The following CEP89 variants were observed in gnomAD, a reference collection of about 807,000 sequenced individuals.
The protein encoded by CEP89 is centrosomal protein of 89 kDa.
In CEP89, 95 loss-of-function variants were observed where a neutral mutation model predicts 97.6. That is an observed-to-expected ratio of 0.97 (90% CI 0.82 to 1.15). The LOEUF (loss-of-function observed/expected upper bound fraction) is 1.15. Among genes scored for constraint, CEP89 ranks in the 50% most tolerant of loss-of-function variants. The pLI is 0.00. For synonymous variants in CEP89, 354 were observed against 349.1 expected (o/e 1.01, Z -0.16); for missense variants, 869 against 947.7 (o/e 0.92, Z 1.09).
chr19:32,954,377 T>TG (rs1286093445), intron 3 of CEP89, among the ~76,000 whole-genome samples: 2 of 151,702 alleles, frequency 1.3e-5, no homozygotes, highest in East Asian at 3.9e-4. Flanking sequence ...TTTTTGTTTT[T>TG]TTTTTGAGAC....
chr19:32,956,213 G>A (rs372012184), intron 3 of CEP89, among the ~76,000 whole-genome samples: 2 of 151,362 alleles, frequency 1.3e-5, no homozygotes, highest in Admixed American at 6.6e-5. Context: ...CCGCCACCAC[G>A]CCAGCTAATT....
At chr19:32,950,724 A>C (rs898276904) in intron 4 of CEP89, among the ~76,000 whole-genome samples, 1 of 152,224 alleles carries the variant, frequency 6.6e-6, no homozygotes, top group Non-Finnish European at 1.5e-5. Flanking sequence ...CAAGGGACAC[A>C]TCGCCAAATG....
chr19:32,905,474 G>A (rs1285293651), intron 14 of CEP89, among the ~76,000 whole-genome samples: 1 of 139,536 alleles, frequency 7.2e-6, no homozygotes, highest in Admixed American at 7.6e-5. Flanking sequence ...ATCCAGGCCT[G>A]GAGTTTTCAA....
At chr19:32,883,098 G>A (rs999188683) in intron 17 of CEP89, among the ~76,000 whole-genome samples, 5 of 151,656 alleles carry the variant, frequency 3.3e-5, no homozygotes, top group Non-Finnish European at 4.4e-5. Context: ...TCCTGACCTC[G>A]CGATCCGCCT....
intron 16 of CEP89, among the ~76,000 whole-genome samples, chr19:32,891,257 C>G (rs1342429965): frequency 6.6e-6 from 1 of 152,178 alleles, no homozygotes; most frequent in Non-Finnish European, 1.5e-5. Flanking sequence ...CCAAAGCAAC[C>G]CAAGCACACC....
At chr19:32,958,313 A>G (rs1971093769) in intron 3 of CEP89, among the ~76,000 whole-genome samples, 1 of 152,236 alleles carries the variant, frequency 6.6e-6, no homozygotes. Flanking sequence ...TACTAAATTT[A>G]CAATTATTAC....
chr19:32,966,384 G>C lies in CEP89; in HGVS notation c.122C>G (p.Pro41Arg), dbSNP rs1364775721. ...AVPRTPPPRSPNPSPERPRSA... is the reference protein window; with the variant it reads ...AVPRTPPPRSRNPSPERPRSA... ...CCTTGGTCTCTCTGGAGATGGGTTGGGGCTGCGGGGAGGAGGTGTGCGTGG... is the reference window on the plus strand; with the variant it reads ...CCTTGGTCTCTCTGGAGATGGGTTGCGGCTGCGGGGAGGAGGTGTGCGTGG... The change falls in exon 2 of 19, where the codon CCC becomes CGC. Residue 41 changes from proline to arginine, a missense_variant. Transcript: ENST00000305768. The C allele has an allele frequency of 6.4e-7, 1 of 1,556,294 alleles. No homozygotes were observed. The highest frequency in any genetic ancestry group is 1.4e-5 in the African/African-American group (1 of 72,688).
Position 32,948,202 on chromosome 19 carries a change from A to T in CEP89, c.595+64T>A, listed in dbSNP as rs993549787. The T allele has an allele frequency of 9.0e-6, 8 of 885,392 alleles. No homozygotes were observed. The African/African-American group carries it at 1.2e-4, about 13-fold the overall frequency. 54.8% of individuals were successfully genotyped at this position (885,392 alleles called of 1,614,324 possible). On this transcript the variant is annotated intron_variant, in intron 5 of 18. Coordinates refer to ENST00000305768, the MANE Select transcript of CEP89 (RefSeq NM_032816.5). ...GCAATGGGTATGTTTTCCTAAAAAT[A>T]AGCAATATTCATTATGAAAAAATGT...
intron 1 of CEP89, chr19:32,968,804 T>C (rs1241166778): frequency 6.6e-6 from 1 of 152,214 alleles, no homozygotes; most frequent in Non-Finnish European, 1.5e-5. Context: ...CCAAGTGTTA[T>C]GGGATTTTTG....
chr19:32,926,080 G>T, intron 11 of CEP89, 110 bp downstream of exon 11: 1 of 774,528 alleles, frequency 1.3e-6, no homozygotes. Flanking sequence ...ATAAACATTT[G>T]GTTATCTATA....
At chr19:32,953,256 G>A (rs895446908) in intron 4 of CEP89, among the ~76,000 whole-genome samples, 4 of 151,128 alleles carry the variant, frequency 2.6e-5, no homozygotes, top group African/African-American at 9.7e-5. Flanking sequence ...CACGCATGAC[G>A]ATCTTCCCCG....
intron 1 of CEP89, among the ~76,000 whole-genome samples, chr19:32,968,046 C>A (rs1269561021): frequency 6.6e-6 from 1 of 152,068 alleles, no homozygotes; most frequent in Non-Finnish European, 1.5e-5. Flanking sequence ...GATGGGCACA[C>A]CTTCCAGTCA....
chr19:32,935,062 C>G (rs1970552260), intron 7 of CEP89, among the ~76,000 whole-genome samples: 1 of 152,160 alleles, frequency 6.6e-6, no homozygotes, highest in African/African-American at 2.4e-5. Context: ...CCCACCTGAC[C>G]CAGGCAGCAA....
At chr19:32,956,738 G>GT (rs1305949808) in intron 3 of CEP89, among the ~76,000 whole-genome samples, 2 of 151,898 alleles carry the variant, frequency 1.3e-5, no homozygotes, top group Admixed American at 6.6e-5. Context: ...TACTATAAAT[G>GT]TTTTTTCTGT....
intron 14 of CEP89, among the ~76,000 whole-genome samples, chr19:32,907,020 C>A (rs1969900801): frequency 6.6e-6 from 1 of 152,088 alleles, no homozygotes; most frequent in Non-Finnish European, 1.5e-5. Flanking sequence ...TTTCTTAAAA[C>A]CCTCCCAGAT....
intron 14 of CEP89, among the ~76,000 whole-genome samples, chr19:32,902,738 G>A (rs11672878): frequency 0.17 from 25,840 of 152,132 alleles, 2,397 homozygotes; most frequent in Non-Finnish European, 0.21. Context: ...GGCAGAGGGC[G>A]TTTCACGGAG....
intron 2 of CEP89, 45 bp from the exon 3 acceptor site, chr19:32,960,103 C>A: frequency 6.2e-7 from 1 of 1,605,138 alleles, no homozygotes; most frequent in Non-Finnish European, 8.5e-7. Context: ...CATGAACATT[C>A]CAGGTGAATG....
intron 4 of CEP89, among the ~76,000 whole-genome samples, chr19:32,951,156 C>A (rs1299315679): frequency 6.6e-6 from 1 of 152,064 alleles, no homozygotes; most frequent in Non-Finnish European, 1.5e-5. Flanking sequence ...AATAAGTCTA[C>A]TAAAAACATA....
intron 14 of CEP89, among the ~76,000 whole-genome samples, chr19:32,906,779 T>A (rs1046296820): frequency 6.7e-6 from 1 of 150,190 alleles, no homozygotes; most frequent in Non-Finnish European, 1.5e-5. Flanking sequence ...AATATATATA[T>A]AAACAACATC....
Sources: gnomAD v4.1 joint callset for allele counts (sites outside exome capture counted in the v4.1 genomes callset) on GRCh38, gnomAD v4.1.1 for gene constraint, MANE v1.5 for transcripts, NCBI Gene and HGNC (gene_info 2026-07-23, HGNC 2026-07-21) for gene names.